ASCC3: variants seen among roughly 807,000 people sequenced by gnomAD.
ASCC3 encodes the protein ASC-1 complex subunit P200.
A neutral mutation model predicts 256.3 loss-of-function variants in ASCC3; 158 were observed. That is an observed-to-expected ratio of 0.62 (90% CI 0.54 to 0.70). The LOEUF is 0.70. ASCC3 is among the 30% of genes least tolerant of loss of function. The pLI is 0.00. For missense variants in ASCC3, 2,259 were observed against 2,626.0 expected, an observed-to-expected ratio of 0.86 and a Z score of 3.05; for synonymous variants, 948 against 883.4, an observed-to-expected ratio of 1.07 and a Z score of -1.30.
At chr6:100,617,562 G>A (rs1428229866) in intron 30 of ASCC3, among the ~76,000 whole-genome samples, 2 of 151,878 alleles carry the variant, frequency 1.3e-5, no homozygotes, top group African/African-American at 4.8e-5. Context: ...TCACCTCCTT[G>A]CCCCCCTCAT....
intron 14 of ASCC3, among the ~76,000 whole-genome samples, chr6:100,668,117 C>T (rs534314793): frequency 6.6e-6 from 1 of 152,104 alleles, no homozygotes; most frequent in South Asian, 2.1e-4. Flanking sequence ...TCTAAGGCTG[C>T]TTGAGCTACA....
At chr6:100,824,207 T>C (rs1323671835) in intron 4 of ASCC3, among the ~76,000 whole-genome samples, 1 of 152,222 alleles carries the variant, frequency 6.6e-6, no homozygotes, top group African/African-American at 2.4e-5. Context: ...ATTCTTGCTA[T>C]GTTATTGTGC....
chr6:100,803,272 C>G (rs1770012358), intron 5 of ASCC3, among the ~76,000 whole-genome samples: 1 of 152,050 alleles, frequency 6.6e-6, no homozygotes, highest in African/African-American at 2.4e-5. Context: ...CCCATAATCC[C>G]CAGGTGTTGA....
At chr6:100,863,990 T>C in intron 3 of ASCC3, 74 bp downstream of exon 3, 4 of 1,262,996 alleles carry the variant, frequency 3.2e-6, no homozygotes, top group African/African-American at 1.5e-5. Flanking sequence ...ACATAGTATG[T>C]TGTTTACAAG....
chr6:100,793,707 C>G (rs940053753), intron 8 of ASCC3, among the ~76,000 whole-genome samples: 3 of 151,742 alleles, frequency 2.0e-5, no homozygotes, highest in Non-Finnish European at 4.4e-5. Context: ...CCTAGCCTCA[C>G]CTGGCAATTT....
At chr6:100,674,447 C>T (rs756768700) in intron 14 of ASCC3, among the ~76,000 whole-genome samples, 7 of 151,938 alleles carry the variant, frequency 4.6e-5, no homozygotes, top group Non-Finnish European at 7.4e-5. Flanking sequence ...CTTCCACCAA[C>T]CTGCTTACTG....
At chr6:100,562,626 T>C (rs1303230916) in intron 36 of ASCC3, among the ~76,000 whole-genome samples, 3 of 152,152 alleles carry the variant, frequency 2.0e-5, no homozygotes, top group African/African-American at 7.2e-5. Flanking sequence ...AATTATTTAT[T>C]CTGAAAGAGA....
In ASCC3 at chr6:100,868,045, C is replaced by G; in HGVS notation, c.-41-7G>C. On this transcript the variant is annotated splice_region_variant and splice_polypyrimidine_tract_variant and intron_variant, in intron 1 of 41. Coordinates refer to ENST00000369162, the MANE Select transcript of ASCC3 (RefSeq NM_006828.4). ...TACAGCAAGAAACCTGAAACTGAAACAAAACAAGATGATATTTATCTGTTC... is the reference window on the plus strand; with the variant it reads ...TACAGCAAGAAACCTGAAACTGAAAGAAAACAAGATGATATTTATCTGTTC... The G allele has an allele frequency of 7.2e-7, 1 of 1,380,470 alleles. No homozygotes were observed. Among genetic ancestry groups the G allele is most frequent in the Non-Finnish European group, 1.0e-6 (1 of 970,938 alleles). The allele number at this position is 1,380,470 out of a possible 1,614,324, so 85.5% of individuals were successfully genotyped here.
chr6:100,863,997 C>T, intron 3 of ASCC3, 67 bp downstream of exon 3: 1 of 1,293,124 alleles, frequency 7.7e-7, no homozygotes. Context: ...ATGTTGTTTA[C>T]AAGGAATCTG....
intron 30 of ASCC3, among the ~76,000 whole-genome samples, chr6:100,622,604 A>G (rs964400925): frequency 2.0e-5 from 3 of 152,028 alleles, no homozygotes; most frequent in African/African-American, 7.2e-5. Flanking sequence ...CTGTTTATAT[A>G]CCCCAGAACT....
intron 16 of ASCC3, among the ~76,000 whole-genome samples, chr6:100,658,367 T>C (rs1235357478): frequency 6.6e-6 from 1 of 151,484 alleles, no homozygotes; most frequent in Non-Finnish European, 1.5e-5. Flanking sequence ...CAATTGTTTA[T>C]TTGAATATGT....
At chr6:100,722,507 A>G (rs955380879) in intron 11 of ASCC3, among the ~76,000 whole-genome samples, 4 of 151,776 alleles carry the variant, frequency 2.6e-5, no homozygotes, top group Non-Finnish European at 4.4e-5. Flanking sequence ...ATATCTTTTC[A>G]TGCATATGCA....
At chr6:100,734,677 C>T (rs758733331) in intron 10 of ASCC3, among the ~76,000 whole-genome samples, 7 of 152,128 alleles carry the variant, frequency 4.6e-5, no homozygotes, top group Non-Finnish European at 7.4e-5. Flanking sequence ...AGTCCTGTAC[C>T]ACCATCACTA....
At chr6:100,770,209 T>C (rs1280194500) in intron 8 of ASCC3, among the ~76,000 whole-genome samples, 1 of 151,940 alleles carries the variant, frequency 6.6e-6, no homozygotes, top group East Asian at 1.9e-4. Context: ...ACAGAAAAAC[T>C]ACATGATCAT....
At chr6:100,528,814 G>T (rs895565364) in intron 37 of ASCC3, among the ~76,000 whole-genome samples, 1 of 152,168 alleles carries the variant, frequency 6.6e-6, no homozygotes, top group Non-Finnish European at 1.5e-5. Flanking sequence ...AAGCAGCTGT[G>T]CTGGCTACTT....
chr6:100,745,886 C>G (rs1437162567), intron 10 of ASCC3, among the ~76,000 whole-genome samples: 2 of 152,008 alleles, frequency 1.3e-5, no homozygotes, highest in African/African-American at 4.8e-5. Flanking sequence ...ACCTTTTAGT[C>G]TTTTCCCATC....
intron 16 of ASCC3, among the ~76,000 whole-genome samples, chr6:100,661,034 T>C (rs1440675740): frequency 2.0e-5 from 3 of 151,756 alleles, no homozygotes; most frequent in African/African-American, 7.2e-5. Flanking sequence ...TAGGACTTTG[T>C]ACAAAATAAG....
intron 2 of ASCC3, among the ~76,000 whole-genome samples, chr6:100,865,646 A>G (rs772353689): frequency 1.3e-5 from 2 of 152,198 alleles, no homozygotes; most frequent in African/African-American, 2.4e-5. Flanking sequence ...TATTAGTTAT[A>G]AAACTGCATA....
At chr6:100,808,653 A>G (rs1400029390) in intron 4 of ASCC3, among the ~76,000 whole-genome samples, 3 of 151,970 alleles carry the variant, frequency 2.0e-5, no homozygotes, top group Admixed American at 2.0e-4. Flanking sequence ...TTTGGAAAAT[A>G]TAGTTAATTT....
Sources: gnomAD v4.1 joint callset for allele counts (sites outside exome capture counted in the v4.1 genomes callset) on GRCh38, gnomAD v4.1.1 for gene constraint, MANE v1.5 for transcripts, NCBI Gene and HGNC (gene_info 2026-07-23, HGNC 2026-07-21) for gene names.